Variants in USP8 observed in about 807,000 individuals in gnomAD.
The protein encoded by USP8 is ubiquitin specific peptidase 8.
Under a neutral mutation model 130.0 loss-of-function variants are expected in USP8, and 27 were observed. The observed-to-expected ratio is 0.21, with a 90% CI of 0.15 to 0.29. The LOEUF is 0.29. Ranked by LOEUF, USP8 falls within the 10% of genes least tolerant of loss-of-function variation. The pLI is 1.00. For missense variants in USP8, 1,029 were observed against 1,312.2 expected (o/e 0.78, Z 3.33); for synonymous variants, 392 against 444.1 (o/e 0.88, Z 1.48).
Position 50,478,884 on chromosome 15 carries a change from A to G in USP8, c.1218+1385A>G, listed in dbSNP as rs530525569. ...AGCCTGGTCAACATGGTGAAACCCC[A>G]TCTCTACTGAAAATACCAAAATTAG... On this transcript the variant is annotated intron_variant, in intron 10 of 19. Transcript: ENST00000307179. Among the ~76,000 whole-genome samples, 8 of 152,112 alleles carry G rather than the reference A, an allele frequency of 5.3e-5. No individual in the cohort carries two copies. In the South Asian group the frequency reaches 1.7e-3, roughly 32 times the overall value.
At position 50,499,388 on chromosome 15, in the gene USP8, CT is replaced by C. The variant is rs36042420; in HGVS notation, c.*310del. On this transcript the variant is annotated 3_prime_UTR_variant, in exon 20 of 20. Transcript: ENST00000307179. ...CGACTGGTCTAAAAACTATTGTTAT[CT>C]TTTTTTTTTCCTTTTCACTGTTATG... 88,768 of 197,586 alleles carry C rather than the reference CT, an allele frequency of 0.45. 20,541 individuals carry two copies. Among genetic ancestry groups the C allele is most frequent in the Admixed American group, 0.55 (9,411 of 17,250 alleles). 12.2% of individuals were successfully genotyped at this position (197,586 alleles called of 1,614,324 possible).
intron 5 of USP8, among the ~76,000 whole-genome samples, chr15:50,461,367 G>A (rs976617052): frequency 6.6e-6 from 1 of 151,094 alleles, no homozygotes; most frequent in African/African-American, 2.4e-5. Flanking sequence ...GGAGGCCAAG[G>A]TGGGAGGATC....
At chr15:50,495,330 A>G (rs945063001) in intron 16 of USP8, among the ~76,000 whole-genome samples, 1 of 46,198 alleles carries the variant, frequency 2.2e-5, no homozygotes, top group African/African-American at 1.1e-4. Flanking sequence ...ATATATACAC[A>G]TATATATACA....
At chr15:50,459,912 C>T (rs1316116417) in intron 5 of USP8, among the ~76,000 whole-genome samples, 1 of 151,368 alleles carries the variant, frequency 6.6e-6, no homozygotes, top group Non-Finnish European at 1.5e-5. Flanking sequence ...TGTTTGGTAC[C>T]AAGCCTTTTA....
At chr15:50,495,054 A>G (rs1176066763) in intron 16 of USP8, among the ~76,000 whole-genome samples, 1 of 151,760 alleles carries the variant, frequency 6.6e-6, no homozygotes, top group Non-Finnish European at 1.5e-5. Context: ...CATGTAACCA[A>G]ATGACTCATG....
chr15:50,446,954 A>G (rs970836775), intron 3 of USP8, among the ~76,000 whole-genome samples: 5 of 152,112 alleles, frequency 3.3e-5, no homozygotes, highest in African/African-American at 1.2e-4. Context: ...TCTTCTTAAA[A>G]ATAAGTCTTA....
intron 7 of USP8, among the ~76,000 whole-genome samples, chr15:50,470,841 A>G (rs528777039): frequency 4.0e-5 from 6 of 151,298 alleles, no homozygotes; most frequent in Non-Finnish European, 7.4e-5. Flanking sequence ...CAGGTGATCC[A>G]CCCGCCTCAG....
rs373428639 is a variant in USP8 at position 50,459,165 on chromosome 15, A to G, written c.498+3A>G. On this transcript the variant is annotated splice_donor_region_variant and intron_variant, in intron 5 of 19. Transcript: ENST00000307179. ...ATTCCAAAGACAAAACCCAAAAGGTATTTCAAATTTAATGTGTGAGTTAAA... is the reference window on the plus strand; with the variant it reads ...ATTCCAAAGACAAAACCCAAAAGGTGTTTCAAATTTAATGTGTGAGTTAAA... 6.3e-7 allele frequency: 1 copy of G among 1,598,232 alleles called. No individual in the cohort carries two copies. The highest frequency in any genetic ancestry group is 8.5e-7 in the Non-Finnish European group (1 of 1,175,374).
At position 50,500,727 on chromosome 15, in the gene USP8, A is replaced by G; in HGVS notation, c.*1639A>G. 6.5e-7 allele frequency: 1 copy of G among 1,538,976 alleles called. No homozygotes were observed. The highest frequency in any genetic ancestry group is 8.8e-7 in the Non-Finnish European group (1 of 1,131,708). On this transcript the variant is annotated 3_prime_UTR_variant, in exon 20 of 20. Coordinates refer to ENST00000307179, the MANE Select transcript of USP8 (RefSeq NM_005154.5). ...GGAGATCCATAGCATTTTGAACAGA[A>G]GTATCTGGAATCTCACTGACTCGTG...
chr15:50,480,897 GTCTTAGCC>G (rs1373967221), intron 10 of USP8, among the ~76,000 whole-genome samples: 1 of 152,148 alleles, frequency 6.6e-6, no homozygotes, highest in East Asian at 1.9e-4. Context: ...GGTTGACATG[GTCTTAGCC>G]TGTGGTAGAA....
rs144130206 is a variant in USP8, at chr15:50,492,763, A to G, written c.2297A>G (p.Asn766Ser). The change falls in exon 15 of 20, where the codon AAT becomes AGT. Residue 766 changes from asparagine to serine, a missense_variant. Coordinates refer to ENST00000307179, the MANE Select transcript of USP8 (RefSeq NM_005154.5). The part of the protein sequence containing the change: ...RLSASQIRNL[N>S]PVFGGSGPAL... ...TCTGCTTCTCAGATTCGGAACCTCA[A>G]TCCTGTTTTTGGAGGTTCTGGACCA... 143 of 1,614,000 alleles carry G rather than the reference A, an allele frequency of 8.9e-5. No individual in the cohort carries two copies. The highest frequency in any genetic ancestry group is 1.1e-4 in the Non-Finnish European group (131 of 1,180,022).
chr15:50,472,061 A>G (rs995171761), intron 8 of USP8, among the ~76,000 whole-genome samples: 2 of 151,622 alleles, frequency 1.3e-5, no homozygotes, highest in Non-Finnish European at 2.9e-5. Context: ...CCACCACACC[A>G]GGCTAATTTT....
At position 50,502,397 on chromosome 15, in the gene USP8, C is replaced by G. The variant is rs1301290134; in HGVS notation, c.*3309C>G. 2.6e-5 allele frequency: 4 copies of G among 152,342 alleles called. No individual in the cohort carries two copies. The highest frequency in any genetic ancestry group is 9.7e-5 in the African/African-American group (4 of 41,416). The allele number at this position is 152,342 out of a possible 1,614,324, so 9.4% of individuals were successfully genotyped here. On this transcript the variant is annotated 3_prime_UTR_variant, in exon 20 of 20. Coordinates refer to ENST00000307179, the MANE Select transcript of USP8 (RefSeq NM_005154.5). The stretch of plus-strand genomic sequence containing the variant: ...TATTTATTTTTATTTGAGACAGAGT[C>G]TTGCTCTGTTGCCCAGGCTGGAGTG...
Position 50,449,444 on chromosome 15 carries a change from T to A in USP8, c.294T>A (p.Ala98=). Residue 98 remains alanine, a synonymous_variant, in exon 4 of 20, where the codon GCT becomes GCA. Coordinates refer to ENST00000307179, the MANE Select transcript of USP8 (RefSeq NM_005154.5). ...SILGPGNIKK[A]VEEAERLSES... Reference sequence around the variant, plus strand: ...TTGGACCTGGAAACATCAAAAAAGCTGTCGAAGAAGCTGAAAGACTCTCTG... The same window carrying A: ...TTGGACCTGGAAACATCAAAAAAGCAGTCGAAGAAGCTGAAAGACTCTCTG... The A allele has an allele frequency of 3.8e-6, 6 of 1,598,384 alleles. No individual in the cohort carries two copies. The highest frequency in any genetic ancestry group is 5.1e-6 in the Non-Finnish European group (6 of 1,171,240).
At chr15:50,482,093 C>A in intron 11 of USP8, 28 bp downstream of exon 11, 1 of 1,446,182 alleles carries the variant, frequency 6.9e-7, no homozygotes, top group South Asian at 1.7e-5. Context: ...AAATTGCCAA[C>A]GAAGTGAAAG....
In USP8 at chr15:50,439,188, T is replaced by G. The variant is rs770347345; in HGVS notation, c.104+11T>G. 3.5e-6 allele frequency: 5 copies of G among 1,416,640 alleles called. No homozygotes were observed. In the Admixed American group the frequency reaches 1.3e-4, roughly 36 times the overall value. The allele number at this position is 1,416,640 out of a possible 1,614,324, so 87.8% of individuals were successfully genotyped here. A position where few individuals can be genotyped will look rare whatever the true frequency, so the allele number is the denominator to read the frequency against. ...AATAAGCACTAAGAGGTATGATGTA[T>G]CCTTCGCTAGTTTGATTGAATCAAA... On this transcript the variant is annotated intron_variant, in intron 2 of 19. Coordinates refer to ENST00000307179, the MANE Select transcript of USP8 (RefSeq NM_005154.5).
intron 6 of USP8, 91 bp from the exon 7 acceptor site, chr15:50,464,956 C>A: frequency 6.9e-7 from 1 of 1,438,952 alleles, no homozygotes; most frequent in Non-Finnish European, 9.5e-7. Context: ...ATACTTTGCT[C>A]TTCTAGAAAA....
chr15:50,486,861 G>C (rs559762930), intron 12 of USP8, among the ~76,000 whole-genome samples: 4 of 152,182 alleles, frequency 2.6e-5, no homozygotes, highest in African/African-American at 9.6e-5. Flanking sequence ...GGCCGGGTGC[G>C]GTGGTTCACA....
At position 50,503,600 on chromosome 15, in the gene USP8, G is replaced by A. The variant is rs1453766011; in HGVS notation, c.*4512G>A. 1.3e-5 allele frequency: 2 copies of A among 152,196 alleles called. No homozygotes were observed. Among genetic ancestry groups the A allele is most frequent in the Non-Finnish European group, 2.9e-5 (2 of 68,042 alleles). The allele number at this position is 152,196 out of a possible 1,614,324, so 9.4% of individuals were successfully genotyped here. A position where few individuals can be genotyped will look rare whatever the true frequency, so the allele number is the denominator to read the frequency against. On this transcript the variant is annotated 3_prime_UTR_variant, in exon 20 of 20. Coordinates refer to ENST00000307179, the MANE Select transcript of USP8 (RefSeq NM_005154.5). The stretch of plus-strand genomic sequence containing the variant: ...GTGCTTGTGTTAGCTTGGACTCATG[G>A]TACAGAGAATAAAAGTCATTCCTGG...
Sources: gnomAD v4.1 joint callset for allele counts (sites outside exome capture counted in the v4.1 genomes callset) on GRCh38, gnomAD v4.1.1 for gene constraint, MANE v1.5 for transcripts, NCBI Gene and HGNC (gene_info 2026-07-23, HGNC 2026-07-21) for gene names.